The following TBL1X variants were observed in gnomAD, a reference collection of about 807,000 sequenced individuals.
TBL1X encodes F-box-like/WD repeat-containing protein TBL1X.
In TBL1X, 10 loss-of-function variants were observed where a neutral mutation model predicts 50.7. The observed-to-expected ratio is 0.20, with a 90% CI of 0.12 to 0.33. The LOEUF is 0.33. TBL1X is among the 10% of genes least tolerant of loss of function. TBL1X has a pLI of 1.00. For missense variants in TBL1X, 340 were observed against 504.4 expected (o/e 0.67, Z 3.12); for synonymous variants, 190 against 214.7 (o/e 0.88, Z 1.01).
At chrX:9,622,768 C>A (rs972923017) in intron 2 of TBL1X, among the ~76,000 whole-genome samples, 1 of 112,281 alleles carries the variant, frequency 8.9e-6, no homozygotes, top group African/African-American at 3.2e-5. Context: ...TCCCAAAGTG[C>A]TGGGATTACA....
chrX:9,579,367 T>C (rs930268580), intron 2 of TBL1X, among the ~76,000 whole-genome samples: 1 of 112,326 alleles, frequency 8.9e-6, no homozygotes, highest in Admixed American at 9.4e-5. Context: ...GCACAGTTTC[T>C]ATGATTTCAA....
chrX:9,629,864 C>T (rs745468656), intron 2 of TBL1X, among the ~76,000 whole-genome samples: 10 of 110,617 alleles, frequency 9.0e-5, no homozygotes, highest in African/African-American at 2.3e-4. Flanking sequence ...GATCGCTGAT[C>T]GCCGGTTGTA....
intron 1 of TBL1X, among the ~76,000 whole-genome samples, chrX:9,484,992 G>A (rs1292858427): frequency 1.8e-5 from 2 of 110,110 alleles, no homozygotes; most frequent in Non-Finnish European, 3.8e-5. Context: ...AGAGGCTGCA[G>A]TGGGACAATC....
chrX:9,593,367 A>C (rs1262930046), intron 2 of TBL1X, among the ~76,000 whole-genome samples: 1 of 109,684 alleles, frequency 9.1e-6, no homozygotes, highest in African/African-American at 3.3e-5. Context: ...GCACCACTGC[A>C]CTCCAGCCTG....
chrX:9,615,502 C>T (rs1287960312), intron 2 of TBL1X, among the ~76,000 whole-genome samples: 1 of 112,425 alleles, frequency 8.9e-6, no homozygotes, highest in African/African-American at 3.2e-5. Flanking sequence ...GAATTGTAGG[C>T]TGTGGACAAC....
chrX:9,680,394 G>A (rs751066489), intron 5 of TBL1X, among the ~76,000 whole-genome samples: 6 of 112,225 alleles, frequency 5.3e-5, no homozygotes, highest in African/African-American at 1.9e-4. Context: ...CATCAAATGT[G>A]TTGGGGGTCT....
chrX:9,525,686 A>G (rs1308727031), intron 2 of TBL1X, among the ~76,000 whole-genome samples: 2 of 112,264 alleles, frequency 1.8e-5, no homozygotes, highest in African/African-American at 6.5e-5. Flanking sequence ...GGAGGAAATA[A>G]CTCACTTCAG....
rs185640933 is a variant in TBL1X, at chrX:9,518,282, G to A, written c.-131+16433G>A. Among the ~76,000 whole-genome samples, 379 of 111,462 alleles carry A rather than the reference G, an allele frequency of 3.4e-3. 1 individual carries two copies. Among genetic ancestry groups the A allele is most frequent in the Non-Finnish European group, 6.0e-3 (317 of 53,124 alleles). On this transcript the variant is annotated intron_variant, in intron 2 of 17. Transcript: ENST00000645353. ...CAACAGACACTGTCTGTCTTGCGAA[G>A]CCTAAGATATTTGCTCTCTGGTCCT...
At chrX:9,685,852 G>A (rs2083056054) in intron 6 of TBL1X, among the ~76,000 whole-genome samples, 1 of 106,774 alleles carries the variant, frequency 9.4e-6, no homozygotes, top group African/African-American at 3.4e-5. Flanking sequence ...CTCCTGAGCA[G>A]CTGGAACTTA....
chrX:9,672,577 ACT>A (rs2082966588), intron 5 of TBL1X, among the ~76,000 whole-genome samples: 1 of 109,075 alleles, frequency 9.2e-6, no homozygotes, highest in Non-Finnish European at 1.9e-5. Context: ...GTAATATGTC[ACT>A]CTCTTCCTCC....
chrX:9,581,143 A>G (rs2082439477), intron 2 of TBL1X, among the ~76,000 whole-genome samples: 1 of 112,116 alleles, frequency 8.9e-6, no homozygotes, highest in Admixed American at 9.4e-5. Context: ...AGCATCCATC[A>G]TGTGTCCCTA....
chrX:9,713,531 G>A (rs1162028794), intron 16 of TBL1X, among the ~76,000 whole-genome samples: 3 of 103,818 alleles, frequency 2.9e-5, no homozygotes, highest in African/African-American at 1.1e-4. Flanking sequence ...GGGTTTGAGC[G>A]ATTCTCCTGC....
chrX:9,715,722 G>T (rs1426834215), intron 17 of TBL1X, among the ~76,000 whole-genome samples: 3 of 112,000 alleles, frequency 2.7e-5, no homozygotes, highest in Non-Finnish European at 5.6e-5. Context: ...TGGCTGAGAA[G>T]CCCGGGCCTC....
chrX:9,489,312 G>A (rs2081929605), intron 1 of TBL1X, among the ~76,000 whole-genome samples: 1 of 111,517 alleles, frequency 9.0e-6, no homozygotes, highest in Non-Finnish European at 1.9e-5. Flanking sequence ...ACAGAATGGT[G>A]GAGGAAGACT....
At chrX:9,477,726 G>T (rs1357954740) in intron 1 of TBL1X, among the ~76,000 whole-genome samples, 1 of 111,494 alleles carries the variant, frequency 9.0e-6, no homozygotes, top group Non-Finnish European at 1.9e-5. Flanking sequence ...TACCATTCAG[G>T]GATTTTTGGT....
chrX:9,664,788 G>T (rs1468349979), intron 5 of TBL1X, among the ~76,000 whole-genome samples: 1 of 111,503 alleles, frequency 9.0e-6, no homozygotes, highest in East Asian at 2.8e-4. Flanking sequence ...CATTCATTGA[G>T]ATCAGGGTTT....
intron 2 of TBL1X, among the ~76,000 whole-genome samples, chrX:9,612,640 CAA>C (rs1464901905): frequency 9.0e-6 from 1 of 111,092 alleles, no homozygotes; most frequent in Non-Finnish European, 1.9e-5. Flanking sequence ...CTTTTTTGTA[CAA>C]AGTCTGCAAA....
chrX:9,509,263 C>T (rs1218045255), intron 2 of TBL1X, among the ~76,000 whole-genome samples: 1 of 100,521 alleles, frequency 9.9e-6, no homozygotes, highest in African/African-American at 3.7e-5. Context: ...TGGTGGCGGG[C>T]ACCTGTAGTC....
intron 1 of TBL1X, among the ~76,000 whole-genome samples, chrX:9,487,588 T>C (rs1486443380): frequency 8.9e-6 from 1 of 112,381 alleles, no homozygotes; most frequent in Non-Finnish European, 1.9e-5. Flanking sequence ...ACATTTAAAA[T>C]GGAAAATCGT....
Sources: gnomAD v4.1 joint callset for allele counts (sites outside exome capture counted in the v4.1 genomes callset) on GRCh38, gnomAD v4.1.1 for gene constraint, MANE v1.5 for transcripts, NCBI Gene and HGNC (gene_info 2026-07-23, HGNC 2026-07-21) for gene names.